The following ZNF142 variants were observed in gnomAD, a reference collection of about 807,000 sequenced individuals.
ZNF142 encodes zinc finger protein 142, also known as zinc finger protein 142 (clone pHZ-49).
ZNF142 carries 96 observed loss-of-function variants against 132.1 expected under a neutral mutation model. That is an observed-to-expected ratio of 0.73 (90% CI 0.62 to 0.86). ZNF142 has a LOEUF of 0.86. Ranked by LOEUF, ZNF142 falls within the 40% of genes least tolerant of loss-of-function variation. ZNF142 has a pLI of 0.00. For missense variants in ZNF142, 2,163 were observed against 2,336.2 expected, an observed-to-expected ratio of 0.93 and a Z score of 1.53; for synonymous variants, 842 against 890.1, an observed-to-expected ratio of 0.95 and a Z score of 0.96.
chr2:218,642,485 C>T lies in ZNF142; in HGVS notation c.4631G>A (p.Arg1544Gln), dbSNP rs374554076. 48 of 1,607,760 alleles carry T rather than the reference C, an allele frequency of 3.0e-5. No individual in the cohort carries two copies. The highest frequency in any genetic ancestry group is 1.6e-4 in the East Asian group (7 of 44,802). The change falls in exon 9 of 11, where the codon CGA becomes CAA. Residue 1544 changes from arginine to glutamine, a missense_variant. Around this residue, in one of 7 missense-constraint regions of ZNF142, gnomAD observed 809 missense variants for 801.7 expected, o/e 1.01. Coordinates refer to ENST00000411696, the MANE Select transcript of ZNF142 (RefSeq NM_001379659.1). This position sits in a 1 kb window ranked among gnomAD's most constrained non-coding sequence, Gnocchi z 4.6. ...GLLCPSPASL[R>Q]GHTRKQHPRL... is the part of the protein sequence containing the mutation. ...TGGGTGCTGTTTACGGGTGTGTCCT[C>T]GTAAGCTGGCAGGGCTGGGGCACAG... is the stretch of plus-strand genomic sequence containing the variant.
At position 218,644,005 on chromosome 2, in the gene ZNF142, G is replaced by C. The variant is rs770910676; in HGVS notation, c.3111C>G (p.Arg1037=). The change falls in exon 9 of 11, where the codon CGC becomes CGG. Residue 1037 remains arginine, a synonymous_variant. Coordinates refer to ENST00000411696, the MANE Select transcript of ZNF142 (RefSeq NM_001379659.1). The surrounding 1 kb of genome is among the most constrained non-coding windows in gnomAD (Gnocchi z 4.6). ...GAGTGATAAAAGGGCAGTGTGGGCAGCGGAAGGCTCGCCCCTCTCCCTGGA... is the reference window on the plus strand; with the variant it reads ...GAGTGATAAAAGGGCAGTGTGGGCACCGGAAGGCTCGCCCCTCTCCCTGGA... ...VVIQGEGRAF[R]CPHCPFITRR... 1.2e-5 allele frequency: 19 copies of C among 1,614,052 alleles called. No homozygotes were observed. Among genetic ancestry groups the C allele is most frequent in the Non-Finnish European group, 1.4e-5 (16 of 1,180,034 alleles).
At position 218,651,808 on chromosome 2, in the gene ZNF142, A is replaced by G; in HGVS notation, c.773T>C (p.Ile258Thr). 3 of 1,289,870 alleles carry G rather than the reference A, an allele frequency of 2.3e-6. No individual in the cohort carries two copies. The highest frequency in any genetic ancestry group is 2.0e-6 in the Non-Finnish European group (2 of 988,872). 79.9% of individuals were successfully genotyped at this position (1,289,870 alleles called of 1,614,324 possible). A position where few individuals can be genotyped will look rare whatever the true frequency, so the allele number is the denominator to read the frequency against. Reference sequence around the variant, plus strand: ...CCGGAAGAGTTTGACGTTGGAGCCTATGAAGCTGCAGTGGCTGCAGTGGAA... The same window carrying G: ...CCGGAAGAGTTTGACGTTGGAGCCTGTGAAGCTGCAGTGGCTGCAGTGGAA... ...YPFHCSHCSFIGSNVKLFRQH... is the reference protein window; with the variant it reads ...YPFHCSHCSFTGSNVKLFRQH... The change falls in exon 5 of 11, where the codon ATA (isoleucine) becomes ACA (threonine). Residue 258 changes from isoleucine (I) to threonine (T), a missense_variant. Physicochemically the swap from Ile to Thr is moderately conservative, Grantham distance 89. Around this residue, in one of 7 missense-constraint regions of ZNF142, gnomAD observed 63 missense variants for 104.1 expected, o/e 0.61. Transcript: ENST00000411696.
At chr2:218,656,489 AAAGT>A (rs1258267171) in intron 3 of ZNF142, 26 bp from the exon 4 acceptor site, 5 of 1,425,978 alleles carry the variant, frequency 3.5e-6, no homozygotes, top group Non-Finnish European at 4.6e-6. Context: ...GAAGAAAAAC[AAAGT>A]AAGGTTAGAG....
chr2:218,633,769 C>T lies in ZNF142; in HGVS notation c.*4570G>A. The T allele has an allele frequency of 6.2e-7, 1 of 1,613,554 alleles. No individual in the cohort carries two copies. Among genetic ancestry groups the T allele is most frequent in the East Asian group, 2.2e-5 (1 of 44,866 alleles). The stretch of plus-strand genomic sequence containing the variant: ...GCCTCATCAAGGAGGCTGGTCAGGA[C>T]CAAAATGGAGGGATGGGGAGGGAAG... On this transcript the variant is annotated 3_prime_UTR_variant, in exon 11 of 11. Transcript: ENST00000411696.
rs1696566400 is a variant in ZNF142, at chr2:218,634,126, A to G, written c.*4213T>C. On this transcript the variant is annotated 3_prime_UTR_variant, in exon 11 of 11. Transcript: ENST00000411696. This position sits in a 1 kb window ranked among gnomAD's most constrained non-coding sequence, Gnocchi z 4.0. ...ACAGGCAATGAGTTTGTGCAGCACA[A>G]TACTTGGCAGTTAAGCCGTGTGTAT... 1 of 1,611,832 alleles carries G rather than the reference A, an allele frequency of 6.2e-7. No homozygotes were observed. Among genetic ancestry groups the G allele is most frequent in the Non-Finnish European group, 8.5e-7 (1 of 1,178,990 alleles).
Position 218,640,708 on chromosome 2 carries a change from C to T in ZNF142, c.5150G>A (p.Cys1717Tyr), listed in dbSNP as rs1697110655. The change falls in exon 10 of 11, where the codon TGC (cysteine) becomes TAC (tyrosine). Residue 1717 changes from cysteine to tyrosine, a missense_variant. Physicochemically the swap from Cys to Tyr is radical, Grantham distance 194 (BLOSUM62 -2). Coordinates refer to ENST00000411696, the MANE Select transcript of ZNF142 (RefSeq NM_001379659.1). ...GTATTTCAGCTGGTTGACCCACTTGCACTTGTAGCCACACTCAGGGCACAG... is the reference window on the plus strand; with the variant it reads ...GTATTTCAGCTGGTTGACCCACTTGTACTTGTAGCCACACTCAGGGCACAG... ...KYLCPECGYKCKWVNQLKYHM... is the reference protein window; with the variant it reads ...KYLCPECGYKYKWVNQLKYHM... The T allele has an allele frequency of 1.9e-6, 3 of 1,614,082 alleles. No homozygotes were observed. Among genetic ancestry groups the T allele is most frequent in the Admixed American group, 1.7e-5 (1 of 60,004 alleles).
At position 218,636,805 on chromosome 2, in the gene ZNF142, T is replaced by C; in HGVS notation, c.*1534A>G. 1 of 611,750 alleles carries C rather than the reference T, an allele frequency of 1.6e-6. No individual in the cohort carries two copies. The highest frequency in any genetic ancestry group is 3.0e-6 in the Non-Finnish European group (1 of 333,978). 37.9% of individuals were successfully genotyped at this position (611,750 alleles called of 1,614,324 possible). A position where few individuals can be genotyped will look rare whatever the true frequency, so the allele number is the denominator to read the frequency against. On this transcript the variant is annotated 3_prime_UTR_variant, in exon 11 of 11. Transcript: ENST00000411696. ...TTTCATAAGCCTTTGGTATCTTTCC[T>C]GCCCTTTTCCTTTGTGTACTCTATA...
rs1215221136 is a variant in ZNF142 at position 218,638,416 on chromosome 2, C to G, written c.5587G>C (p.Val1863Leu). ...GVGKDPTTPT[V>L]HLHDVQLEDP... Reference sequence around the variant, plus strand: ...TCCAGCTGCACATCATGCAGGTGCACTGTGGGGGTGGTGGGGTCTTTGCCC... The same window carrying G: ...TCCAGCTGCACATCATGCAGGTGCAGTGTGGGGGTGGTGGGGTCTTTGCCC... The change falls in exon 11 of 11, where the codon GTG becomes CTG. Residue 1863 changes from valine to leucine, a missense_variant. Coordinates refer to ENST00000411696, the MANE Select transcript of ZNF142 (RefSeq NM_001379659.1). 6.4e-7 allele frequency: 1 copy of G among 1,556,210 alleles called. No individual in the cohort carries two copies.
Position 218,656,250 on chromosome 2 carries a change from C to T in ZNF142, c.180G>A (p.Leu60=). The part of the protein sequence containing the change: ...APIPTEPGCL[L]VEATATEEGP... ...CCTCTTCAGTTGCTGTGGCCTCTACCAGCAGGCAGCCTGGCTCAGTAGGTA... is the reference window on the plus strand; with the variant it reads ...CCTCTTCAGTTGCTGTGGCCTCTACTAGCAGGCAGCCTGGCTCAGTAGGTA... The change falls in exon 4 of 11, where the codon CTG becomes CTA. Residue 60 remains leucine (L), a synonymous_variant. Coordinates refer to ENST00000411696, the MANE Select transcript of ZNF142 (RefSeq NM_001379659.1). 1.9e-6 allele frequency: 3 copies of T among 1,613,666 alleles called. No individual in the cohort carries two copies. Among genetic ancestry groups the T allele is most frequent in the Non-Finnish European group, 2.5e-6 (3 of 1,179,766 alleles).
In ZNF142 at chr2:218,656,213, T is replaced by C; in HGVS notation, c.217A>G (p.Met73Val). 3.1e-6 allele frequency: 5 copies of C among 1,612,742 alleles called. No individual in the cohort carries two copies. The highest frequency in any genetic ancestry group is 4.2e-6 in the Non-Finnish European group (5 of 1,179,278). Residue 73 changes from methionine to valine, a missense_variant, in exon 4 of 11, where the codon ATG becomes GTG. This residue lies in a region of ZNF142 where 195 missense variants were observed against 172.4 expected (regional missense o/e 1.13). Coordinates refer to ENST00000411696, the MANE Select transcript of ZNF142 (RefSeq NM_001379659.1). ...ATATEEGPGN[M>V]EIIVETVAGT... ...GCTACTGTCTCCACAATGATCTCCA[T>C]GTTCCCTGGTCCCTCTTCAGTTGCT... is the stretch of plus-strand genomic sequence containing the variant.
rs375985633 is a variant in ZNF142 at position 218,644,609 on chromosome 2, C to T, written c.2507G>A (p.Arg836Gln). Residue 836 changes from arginine (R) to glutamine (Q), a missense_variant, in exon 9 of 11, where the codon CGA becomes CAA. This residue lies in a region of ZNF142 where 749 missense variants were observed against 830.3 expected (regional missense o/e 0.90). Transcript: ENST00000411696. The surrounding 1 kb of genome is among the most constrained non-coding windows in gnomAD (Gnocchi z 4.6). ...DSEPSNQLSA[R>Q]PEGPGHEPGT... ...AGGTTCGTGACCTGGCCCCTCAGGT[C>T]GGGCTGACAGCTGGTTTGAGGGCTC... 30 of 1,614,070 alleles carry T rather than the reference C, an allele frequency of 1.9e-5. No homozygotes were observed. The highest frequency in any genetic ancestry group is 4.0e-5 in the African/African-American group (3 of 74,934).
chr2:218,643,248 C>G lies in ZNF142; in HGVS notation c.3868G>C (p.Asp1290His). The change falls in exon 9 of 11, where the codon GAT becomes CAT. Residue 1290 changes from aspartate (D) to histidine (H), a missense_variant. Physicochemically the swap from Asp to His is moderately conservative, Grantham distance 81. Around this residue, in one of 7 missense-constraint regions of ZNF142, gnomAD observed 809 missense variants for 801.7 expected, o/e 1.01. Transcript: ENST00000411696. ...TTTTGAACCAGAACTGTATCCCCAT[C>G]ACCAGAGCTGGACTCTGTACTCCCA... Reference protein sequence around the residue: ...KNGSTESSSGDGDTVLVQKQK... With the variant: ...KNGSTESSSGHGDTVLVQKQK... The G allele has an allele frequency of 6.2e-7, 1 of 1,614,238 alleles. No homozygotes were observed. Among genetic ancestry groups the G allele is most frequent in the Non-Finnish European group, 8.5e-7 (1 of 1,180,040 alleles).
chr2:218,650,984 C>T (rs1397045114), intron 5 of ZNF142, among the ~76,000 whole-genome samples: 2 of 127,796 alleles, frequency 1.6e-5, no homozygotes, highest in African/African-American at 5.8e-5. Flanking sequence ...CCTTTCTTTA[C>T]TTCTTTTTTT....
At position 218,635,258 on chromosome 2, in the gene ZNF142, C is replaced by T. The variant is rs1022135801; in HGVS notation, c.*3081G>A. 2.6e-5 allele frequency among the ~76,000 whole-genome samples: 4 copies of T among 151,674 alleles called. No homozygotes were observed. The highest frequency in any genetic ancestry group is 3.4e-3 in the Middle Eastern group (1 of 294). On this transcript the variant is annotated 3_prime_UTR_variant, in exon 11 of 11. Transcript: ENST00000411696. ...ATTCCAGCTTGGTCAAGAGTATGAT[C>T]GTGTCTCTTTGAAAAAAAAAAAGTG...
In ZNF142 at chr2:218,643,044, G is replaced by C. The variant is rs1398404967; in HGVS notation, c.4072C>G (p.His1358Asp). The change falls in exon 9 of 11, where the codon CAC becomes GAC. Residue 1358 changes from histidine (H) to aspartate (D), a missense_variant. His to Asp is a moderately conservative substitution (Grantham distance 81). This residue lies in a region of ZNF142 where 809 missense variants were observed against 801.7 expected (regional missense o/e 1.01). Transcript: ENST00000411696. The part of the protein sequence containing the change: ...TALRLHQKRR[H>D]PTAAPARGPR... ...CCACGGGCTGGGGCTGCAGTGGGGT[G>C]CCTCCGCTTCTGGTGGAGCCTTAAG... The C allele has an allele frequency of 6.3e-7, 1 of 1,597,844 alleles. No individual in the cohort carries two copies. The highest frequency in any genetic ancestry group is 8.5e-7 in the Non-Finnish European group (1 of 1,171,574).
Position 218,650,458 on chromosome 2 carries a change from T to A in ZNF142, c.949A>T (p.Thr317Ser), listed in dbSNP as rs1235164122. The A allele has an allele frequency of 6.2e-7, 1 of 1,613,960 alleles. No homozygotes were observed. The highest frequency in any genetic ancestry group is 1.3e-5 in the African/African-American group (1 of 74,936). ...TTCTCTACATTCTCCTCTTCAGCTG[T>A]CTCCTGCCCAGGCAAGGGTGTACCT... ...EAGTPLPGQE[T>S]AEEENVEKEE... Residue 317 changes from threonine (T) to serine (S), a missense_variant, in exon 6 of 11, where the codon ACA becomes TCA. Transcript: ENST00000411696.
rs1033318541 is a variant in ZNF142, at chr2:218,635,843, G to T, written c.*2496C>A. 1.2e-6 allele frequency: 2 copies of T among 1,613,810 alleles called. No homozygotes were observed. Among genetic ancestry groups the T allele is most frequent in the African/African-American group, 1.3e-5 (1 of 74,926 alleles). Reference sequence around the variant, plus strand: ...CCAAAGTGGACAAGACCAAAGAGGGGTCCATTGTGGATCCACTGGTGAAAG... The same window carrying T: ...CCAAAGTGGACAAGACCAAAGAGGGTTCCATTGTGGATCCACTGGTGAAAG... On this transcript the variant is annotated 3_prime_UTR_variant, in exon 11 of 11. Coordinates refer to ENST00000411696, the MANE Select transcript of ZNF142 (RefSeq NM_001379659.1).
Position 218,642,424 on chromosome 2 carries a change from AG to A in ZNF142, c.4691del (p.Pro1564LeufsTer33), listed in dbSNP as rs760153171. 8.1e-6 allele frequency: 13 copies of A among 1,613,016 alleles called. No individual in the cohort carries two copies. Among genetic ancestry groups the A allele is most frequent in the Non-Finnish European group, 1.1e-5 (13 of 1,179,990 alleles). On this transcript the variant is annotated frameshift_variant, in exon 9 of 11. Transcript: ENST00000411696. LOFTEE classifies it high-confidence loss of function. This position sits in a 1 kb window ranked among gnomAD's most constrained non-coding sequence, Gnocchi z 4.6. ...GGTGCTCATCCAGAGCCAGTCGGCTAGGGAAGGCCTCCTGGCAGGCCCCACA... is the reference window on the plus strand; with the variant it reads ...GGTGCTCATCCAGAGCCAGTCGGCTAGGAAGGCCTCCTGGCAGGCCCCACA... The part of the protein sequence containing the change: ...LECGACQEAF[P>X]SRLALDEHRR...
At chr2:218,656,769 T>C (rs1243488707) in intron 3 of ZNF142, among the ~76,000 whole-genome samples, 1 of 151,938 alleles carries the variant, frequency 6.6e-6, no homozygotes, top group African/African-American at 2.4e-5. Flanking sequence ...GGGTCTCAGA[T>C]TTCTTATCTG....
Sources: allele counts gnomAD v4.1 joint callset (sites outside exome capture counted in the v4.1 genomes callset), GRCh38; gene constraint gnomAD v4.1.1; regional missense constraint gnomAD v4.1.1; non-coding constraint Gnocchi (gnomAD v3.1); transcripts MANE v1.5; gene names NCBI Gene and HGNC (gene_info 2026-07-23, HGNC 2026-07-21).